The following VCL variants were observed in gnomAD, a reference collection of about 807,000 sequenced individuals.
VCL encodes the protein epididymis luminal protein 114.
VCL carries 47 observed loss-of-function variants against 125.7 expected under a neutral mutation model. The observed-to-expected ratio is 0.37, with a 90% CI of 0.30 to 0.48. The LOEUF (loss-of-function observed/expected upper bound fraction) is 0.48. Among genes scored for constraint, VCL ranks in the 20% least tolerant of loss-of-function variants. The probability of loss-of-function intolerance (pLI) is 0.99; values close to 1 mark genes in which losing one functional copy is unlikely to be tolerated. For missense variants in VCL, 1,069 were observed against 1,455.5 expected (o/e 0.73, Z 4.32); for synonymous variants, 458 against 514.6 (o/e 0.89, Z 1.49).
intron 8 of VCL, among the ~76,000 whole-genome samples, chr10:74,085,294 T>C (rs539935592): frequency 6.6e-6 from 1 of 152,326 alleles, no homozygotes; most frequent in East Asian, 1.9e-4. Context: ...GCCATAGGCT[T>C]ATGAAAAATA....
intron 6 of VCL, among the ~76,000 whole-genome samples, chr10:74,078,303 C>G (rs896312001): frequency 6.6e-6 from 1 of 151,996 alleles, no homozygotes; most frequent in East Asian, 1.9e-4. Flanking sequence ...GACTCAGATG[C>G]CTTATACAGA....
At chr10:74,000,224 G>C (rs1032103154) in intron 1 of VCL, among the ~76,000 whole-genome samples, 1 of 149,226 alleles carries the variant, frequency 6.7e-6, no homozygotes, top group African/African-American at 2.5e-5. Context: ...AAATTAAGAT[G>C]TCCAGCTCCC....
At chr10:74,014,260 C>T (rs534441181) in intron 1 of VCL, among the ~76,000 whole-genome samples, 1 of 152,118 alleles carries the variant, frequency 6.6e-6, no homozygotes, top group East Asian at 1.9e-4. Flanking sequence ...GAGACAGGGT[C>T]TCACTCTGTC....
chr10:74,022,068 C>T (rs1840679343), intron 1 of VCL, among the ~76,000 whole-genome samples: 1 of 152,124 alleles, frequency 6.6e-6, no homozygotes, highest in Admixed American at 6.6e-5. Context: ...CTTATTCTAG[C>T]TCTTCAGGGC....
chr10:74,101,062 G>A lies in VCL; in HGVS notation c.1987G>A (p.Ala663Thr). Residue 663 changes from alanine (A) to threonine (T), a missense_variant, in exon 14 of 22, where the codon GCC (alanine) becomes ACC (threonine). By Grantham distance (58) the Ala-to-Thr change is moderately conservative. Transcript: ENST00000211998. ...ANKSTVEGIQ[A>T]SVKTARELTP... ...TAAATCAACAGTGGAAGGCATTCAG[G>A]CCTCAGTGAAGACGGCCCGAGAACT... 6.2e-7 allele frequency: 1 copy of A among 1,613,712 alleles called. No individual in the cohort carries two copies. The highest frequency in any genetic ancestry group is 8.5e-7 in the Non-Finnish European group (1 of 1,179,770).
chr10:74,065,776 G>C (rs563738382), intron 2 of VCL, among the ~76,000 whole-genome samples: 2 of 152,056 alleles, frequency 1.3e-5, no homozygotes, highest in South Asian at 4.1e-4. Context: ...CAGACGATGA[G>C]GATCAAGTCT....
At chr10:74,082,014 T>C (rs1839683923) in intron 6 of VCL, among the ~76,000 whole-genome samples, 2 of 152,178 alleles carry the variant, frequency 1.3e-5, no homozygotes, top group Admixed American at 6.5e-5. Context: ...CAAAACAAGA[T>C]GTAAAAGAAC....
chr10:74,078,240 G>A (rs1839622912), intron 6 of VCL, among the ~76,000 whole-genome samples: 1 of 152,164 alleles, frequency 6.6e-6, no homozygotes, highest in South Asian at 2.1e-4. Context: ...AGTTCCTGTG[G>A]TGGGTCTCTC....
At chr10:74,094,751 C>G (rs1195057890) in intron 11 of VCL, among the ~76,000 whole-genome samples, 2 of 152,022 alleles carry the variant, frequency 1.3e-5, no homozygotes, top group Non-Finnish European at 2.9e-5. Context: ...AAGACCCTCT[C>G]TGTACAAAAA....
chr10:74,060,235 G>T (rs1368695377), intron 2 of VCL, among the ~76,000 whole-genome samples: 1 of 152,100 alleles, frequency 6.6e-6, no homozygotes, highest in Non-Finnish European at 1.5e-5. Context: ...AGTCTGGGAG[G>T]TTGAGGCTAC....
intron 18 of VCL, 118 bp from the exon 19 acceptor site, chr10:74,111,791 G>A (rs1840223361): frequency 1.5e-6 from 2 of 1,329,326 alleles, no homozygotes; most frequent in Non-Finnish European, 2.1e-6. Context: ...TAGAGAACAT[G>A]TTTCTTTCTC....
At chr10:74,101,583 C>T (rs1262047487) in intron 14 of VCL, among the ~76,000 whole-genome samples, 1 of 123,256 alleles carries the variant, frequency 8.1e-6, no homozygotes, top group Non-Finnish European at 1.6e-5. Flanking sequence ...GAGTCTCGCT[C>T]TGTCGCCCAG....
In VCL at chr10:74,097,062, G is replaced by A. The variant is rs891568414; in HGVS notation, c.1744-142G>A. 8.2e-7 allele frequency: 1 copy of A among 1,214,430 alleles called. No homozygotes were observed. Among genetic ancestry groups the A allele is most frequent in the East Asian group, 2.6e-5 (1 of 37,792 alleles). 75.2% of individuals were successfully genotyped at this position (1,214,430 alleles called of 1,614,324 possible). On this transcript the variant is annotated intron_variant, in intron 12 of 21. Transcript: ENST00000211998. The surrounding 1 kb of genome is among the most constrained non-coding windows in gnomAD (Gnocchi z 4.1). ...CATAAATTACACCTGTTCTGTGCTA[G>A]CTCAGTGCTTTGTACACAGTTAACA...
In VCL at chr10:74,101,048, T is replaced by C. The variant is rs372691803; in HGVS notation, c.1973T>C (p.Val658Ala). 285 of 1,613,824 alleles carry C rather than the reference T, an allele frequency of 1.8e-4. 3 individuals are homozygous for C. In the South Asian group the frequency reaches 3.0e-3, roughly 17 times the overall value. ...GTTGGTACTGCTAATAAATCAACAGTGGAAGGCATTCAGGCCTCAGTGAAG... is the reference window on the plus strand; with the variant it reads ...GTTGGTACTGCTAATAAATCAACAGCGGAAGGCATTCAGGCCTCAGTGAAG... ...AAVGTANKST[V>A]EGIQASVKTA... The change falls in exon 14 of 22, where the codon GTG becomes GCG. Residue 658 changes from valine to alanine, a missense_variant. By Grantham distance (64) the Val-to-Ala change is moderately conservative (BLOSUM62 0). This residue lies in a region of VCL where 760 missense variants were observed against 928.9 expected (regional missense o/e 0.82). Coordinates refer to ENST00000211998, the MANE Select transcript of VCL (RefSeq NM_014000.3).
chr10:74,004,028 A>G (rs943692923), intron 1 of VCL, among the ~76,000 whole-genome samples: 1 of 152,142 alleles, frequency 6.6e-6, no homozygotes, highest in African/African-American at 2.4e-5. Context: ...GCCTACTCTG[A>G]TCTTAAAAGG....
chr10:74,074,433 G>A (rs1419497724), intron 5 of VCL, among the ~76,000 whole-genome samples: 2 of 152,176 alleles, frequency 1.3e-5, no homozygotes, highest in Non-Finnish European at 2.9e-5. Flanking sequence ...TGAGGGCCAG[G>A]ATGATAACTG....
Position 74,109,099 on chromosome 10 carries a change from G to A in VCL, c.2688G>A (p.Gln896=). ...PEQKAGEVIN[Q]PMMMAARQLH... ...AGAAGGCCGGGGAGGTGATTAACCA[G>A]CCAATGATGATGGCTGCCAGACAGC... is the stretch of plus-strand genomic sequence containing the variant. Residue 896 remains glutamine (Q), a synonymous_variant, in exon 18 of 22, where the codon CAG becomes CAA. Transcript: ENST00000211998. 3.1e-6 allele frequency: 5 copies of A among 1,614,166 alleles called. No individual in the cohort carries two copies. In the East Asian group the frequency reaches 1.1e-4, roughly 36 times the overall value.
At chr10:74,044,367 C>T (rs1841156652) in intron 2 of VCL, among the ~76,000 whole-genome samples, 1 of 152,030 alleles carries the variant, frequency 6.6e-6, no homozygotes, top group Admixed American at 6.6e-5. Context: ...AAATAGAACT[C>T]ATAGAAGTCA....
chr10:74,056,718 G>A (rs1841398414), intron 2 of VCL, among the ~76,000 whole-genome samples: 1 of 152,054 alleles, frequency 6.6e-6, no homozygotes, highest in African/African-American at 2.4e-5. Flanking sequence ...CTTCAGTCAG[G>A]TGTCTAGGTG....
Sources: allele counts gnomAD v4.1 joint callset (sites outside exome capture counted in the v4.1 genomes callset), GRCh38; gene constraint gnomAD v4.1.1; regional missense constraint gnomAD v4.1.1; non-coding constraint Gnocchi (gnomAD v3.1); transcripts MANE v1.5; gene names NCBI Gene and HGNC (gene_info 2026-07-23, HGNC 2026-07-21).